CSMD1: variants seen among roughly 807,000 people sequenced by gnomAD.
The protein encoded by CSMD1 is CUB and sushi domain-containing protein 1.
In CSMD1, 213 loss-of-function variants were observed where a neutral mutation model predicts 417.5. That is an observed-to-expected ratio of 0.51 (90% CI 0.46 to 0.57). The LOEUF is 0.57. Among genes scored for constraint, CSMD1 ranks in the 20% least tolerant of loss-of-function variants. The pLI is 0.00. For synonymous variants in CSMD1, 2,862 were observed against 1,736.8 expected (o/e 1.65, Z -16.11); for missense variants, 6,923 against 4,529.7 (o/e 1.53, Z -15.17).
intron 49 of CSMD1, among the ~76,000 whole-genome samples, chr8:3,083,217 CAG>C (rs1168773522): frequency 1.9e-4 from 29 of 151,898 alleles, no homozygotes; most frequent in Non-Finnish European, 1.0e-4. Flanking sequence ...TTTAAAAAGA[CAG>C]AACATGTCTT....
At chr8:4,396,274 G>C (rs1291554805) in intron 3 of CSMD1, among the ~76,000 whole-genome samples, 6 of 151,242 alleles carry the variant, frequency 4.0e-5, no homozygotes, top group Non-Finnish European at 2.9e-5. Context: ...CCAGCTTGGG[G>C]AATACAGTGA....
In CSMD1 at chr8:3,455,082, CCTTT is replaced by C. The variant is rs1334925194; in HGVS notation, c.1561+13626_1561+13629del. On this transcript the variant is annotated intron_variant, in intron 12 of 69. Coordinates refer to ENST00000635120, the MANE Select transcript of CSMD1 (RefSeq NM_033225.6). Reference sequence around the variant, plus strand: ...TCATTTGATCTTCCATCACTGATACCCTTTCTTTCTATCGATCGAATCGGCTACT... The same window carrying C: ...TCATTTGATCTTCCATCACTGATACCCTTTCTATCGATCGAATCGGCTACT... Among the ~76,000 whole-genome samples the C allele has an allele frequency of 6.6e-5, 10 of 152,252 alleles. No homozygotes were observed. In the Middle Eastern group the frequency reaches 0.01, roughly 155 times the overall value.
chr8:3,367,860 G>C, intron 19 of CSMD1, among the ~76,000 whole-genome samples: 1 of 152,160 alleles, frequency 6.6e-6, no homozygotes, highest in Non-Finnish European at 1.5e-5. Flanking sequence ...AAAATTGTCA[G>C]TAGACTCTTA....
chr8:3,729,051 G>C lies in CSMD1; in HGVS notation c.932-20560C>G, dbSNP rs371800441. On this transcript the variant is annotated intron_variant, in intron 6 of 69. Transcript: ENST00000635120. ...CGACCAGCAAAACTTCTAATCCAAAGTCTGGCCGTAATTCTCCACGTGATC... is the reference window on the plus strand; with the variant it reads ...CGACCAGCAAAACTTCTAATCCAAACTCTGGCCGTAATTCTCCACGTGATC... 5.6e-4 allele frequency among the ~76,000 whole-genome samples: 85 copies of C among 152,318 alleles called. No individual in the cohort carries two copies. In the South Asian group the frequency reaches 0.015, roughly 27 times the overall value.
At chr8:4,337,734 G>C (rs955460256) in intron 3 of CSMD1, among the ~76,000 whole-genome samples, 1 of 152,256 alleles carries the variant, frequency 6.6e-6, no homozygotes, top group African/African-American at 2.4e-5. Context: ...CATTGACATA[G>C]AATGGATTAG....
chr8:4,421,948 C>G (rs1021187367), intron 2 of CSMD1, among the ~76,000 whole-genome samples: 1 of 151,886 alleles, frequency 6.6e-6, no homozygotes, highest in Non-Finnish European at 1.5e-5. Context: ...CAAAGAGTCA[C>G]TGTCATTAAA....
chr8:3,268,537 C>T (rs771584576), intron 26 of CSMD1, among the ~76,000 whole-genome samples: 113 of 152,106 alleles, frequency 7.4e-4, no homozygotes, highest in Admixed American at 1.5e-3. Flanking sequence ...CCGCCCACCT[C>T]GGCCTCCTAA....
At chr8:4,079,443 G>C (rs976601422) in intron 3 of CSMD1, among the ~76,000 whole-genome samples, 1 of 152,132 alleles carries the variant, frequency 6.6e-6, no homozygotes, top group Non-Finnish European at 1.5e-5. Context: ...AACACCATCA[G>C]GCAGCTCCAT....
intron 2 of CSMD1, among the ~76,000 whole-genome samples, chr8:4,611,708 AT>A (rs1204215793): frequency 6.6e-6 from 1 of 152,134 alleles, no homozygotes; most frequent in Non-Finnish European, 1.5e-5. Flanking sequence ...AAGATGTTGT[AT>A]TTTCAATATT....
chr8:3,720,991 T>TTC (rs1410183010), intron 6 of CSMD1, among the ~76,000 whole-genome samples: 2 of 151,982 alleles, frequency 1.3e-5, no homozygotes, highest in African/African-American at 4.8e-5. Context: ...AATTTATTTT[T>TTC]TTTGTATTTT....
At chr8:4,687,387 T>C (rs1165598137) in intron 1 of CSMD1, among the ~76,000 whole-genome samples, 1 of 152,164 alleles carries the variant, frequency 6.6e-6, no homozygotes, top group African/African-American at 2.4e-5. Flanking sequence ...AGCTTACAAA[T>C]GTCATAAAAA....
intron 3 of CSMD1, among the ~76,000 whole-genome samples, chr8:4,192,704 C>G (rs181839608): frequency 1.9e-4 from 29 of 152,340 alleles, no homozygotes; most frequent in African/African-American, 6.0e-4. Context: ...TGCTCACCAA[C>G]ATGTCGGGTA....
At chr8:4,426,235 T>TA (rs1216170827) in intron 2 of CSMD1, among the ~76,000 whole-genome samples, 2 of 151,908 alleles carry the variant, frequency 1.3e-5, no homozygotes, top group African/African-American at 4.8e-5. Context: ...GGACAAGTTT[T>TA]CCAGTAAAAT....
chr8:4,748,984 G>A (rs888431938), intron 1 of CSMD1, among the ~76,000 whole-genome samples: 2 of 152,142 alleles, frequency 1.3e-5, no homozygotes, highest in East Asian at 3.9e-4. Flanking sequence ...TAAGCTACTG[G>A]CATTAATTAA....
At chr8:4,592,714 T>A (rs1800054432) in intron 2 of CSMD1, among the ~76,000 whole-genome samples, 1 of 152,164 alleles carries the variant, frequency 6.6e-6, no homozygotes, top group South Asian at 2.1e-4. Flanking sequence ...ATGACATTTA[T>A]AAAGCTCAAT....
intron 5 of CSMD1, among the ~76,000 whole-genome samples, chr8:3,927,169 G>A (rs1007226254): frequency 1.3e-5 from 2 of 151,772 alleles, no homozygotes; most frequent in Non-Finnish European, 2.9e-5. Context: ...AAGTTTTGAA[G>A]CTATAATTTA....
At chr8:4,745,961 G>C (rs561429795) in intron 1 of CSMD1, among the ~76,000 whole-genome samples, 12 of 152,176 alleles carry the variant, frequency 7.9e-5, no homozygotes, top group Non-Finnish European at 1.8e-4. Flanking sequence ...TCATCGGTAC[G>C]CTTTGAAGTA....
rs1186608825 is a variant in CSMD1, at chr8:3,133,947, G to A, written c.6241+8518C>T. 3.3e-5 allele frequency among the ~76,000 whole-genome samples: 5 copies of A among 152,188 alleles called. No individual in the cohort carries two copies. The East Asian group carries it at 9.7e-4, about 29-fold the overall frequency. On this transcript the variant is annotated intron_variant, in intron 41 of 69. Transcript: ENST00000635120. ...CTCAGCACTCTGGGAGGCCGAGGCA[G>A]GCAGATCGGATCATGAGGTCAGGAG... is the stretch of plus-strand genomic sequence containing the variant.
chr8:4,279,410 T>C (rs1048001494), intron 3 of CSMD1, among the ~76,000 whole-genome samples: 2 of 152,186 alleles, frequency 1.3e-5, no homozygotes, highest in African/African-American at 2.4e-5. Flanking sequence ...CACCATTAAA[T>C]GTGAATTTTT....
Sources: allele counts gnomAD v4.1 joint callset (sites outside exome capture counted in the v4.1 genomes callset), GRCh38; gene constraint gnomAD v4.1.1; transcripts MANE v1.5; gene names NCBI Gene and HGNC (gene_info 2026-07-23, HGNC 2026-07-21).